The following CLRN2 variants were observed in gnomAD, a reference collection of about 807,000 sequenced individuals.
The protein encoded by CLRN2 is clarin-2.
A neutral mutation model predicts 20.1 loss-of-function variants in CLRN2; 17 were observed. The observed-to-expected ratio is 0.85, with a 90% CI of 0.58 to 1.27. CLRN2 has a LOEUF of 1.27. CLRN2 is among the 50% of genes most tolerant of loss of function. The probability of loss-of-function intolerance (pLI) is 0.00; values close to 1 mark genes in which losing one functional copy is unlikely to be tolerated. For synonymous variants in CLRN2, 140 were observed against 126.9 expected (o/e 1.10, Z -0.70); for missense variants, 288 against 299.5 (o/e 0.96, Z 0.28).
chr4:17,517,565 G>T (rs1379466406), intron 1 of CLRN2, among the ~76,000 whole-genome samples: 1 of 152,138 alleles, frequency 6.6e-6, no homozygotes, highest in Non-Finnish European at 1.5e-5. Context: ...TGCATATTTT[G>T]TTTGAGCCTT....
chr4:17,524,474 T>C (rs1711918533), intron 2 of CLRN2, among the ~76,000 whole-genome samples: 1 of 152,110 alleles, frequency 6.6e-6, no homozygotes, highest in South Asian at 2.1e-4. Flanking sequence ...ATAATGTATA[T>C]CAATCAATCA....
chr4:17,517,134 A>G (rs1711698283), intron 1 of CLRN2, among the ~76,000 whole-genome samples: 2 of 152,206 alleles, frequency 1.3e-5, no homozygotes, highest in African/African-American at 2.4e-5. Context: ...CCCACAGAGC[A>G]GACATTGGTT....
intron 2 of CLRN2, 55 bp from the exon 3 acceptor site, chr4:17,526,761 CT>C (rs1344362014): frequency 1.2e-5 from 20 of 1,602,544 alleles, no homozygotes; most frequent in Non-Finnish European, 1.5e-5. Context: ...GAAATGCCAC[CT>C]CTTACAGAGT....
At position 17,522,895 on chromosome 4, in the gene CLRN2, A is replaced by G. The variant is rs200647377; in HGVS notation, c.285A>G (p.Ala95=). ...IFPHLVKELN[A]GLHVMILLLL... Reference sequence around the variant, plus strand: ...CACACCTGGTGAAGGAGCTCAACGCAGGCCTTCATGTGATGATTCTGCTGC... The same window carrying G: ...CACACCTGGTGAAGGAGCTCAACGCGGGCCTTCATGTGATGATTCTGCTGC... The change falls in exon 2 of 3, where the codon GCA becomes GCG. Residue 95 remains alanine (A), a synonymous_variant. Coordinates refer to ENST00000511148, the MANE Select transcript of CLRN2 (RefSeq NM_001079827.2). 1.1e-4 allele frequency: 176 copies of G among 1,613,828 alleles called. No homozygotes were observed. The highest frequency in any genetic ancestry group is 1.4e-4 in the Non-Finnish European group (164 of 1,179,878).
chr4:17,523,544 G>A (rs1289121493), intron 2 of CLRN2, among the ~76,000 whole-genome samples: 3 of 152,004 alleles, frequency 2.0e-5, no homozygotes, highest in East Asian at 3.9e-4. Context: ...ATTAGAGTAC[G>A]TGAATGGCTG....
chr4:17,526,676 T>C (rs1201072056), intron 2 of CLRN2, 141 bp from the exon 3 acceptor site: 1 of 973,876 alleles, frequency 1.0e-6, no homozygotes, highest in Non-Finnish European at 1.5e-6. Context: ...TATCTCCTAC[T>C]TTTAAAAGCA....
At position 17,515,279 on chromosome 4, in the gene CLRN2, T is replaced by C. The variant is rs771950637; in HGVS notation, c.13T>C (p.Phe5Leu). MPGW[F>L]KKAWYGLASL... ...TGCACCCACTAGCATGCCTGGATGGTTCAAAAAGGCGTGGTATGGGCTGGC... is the reference window on the plus strand; with the variant it reads ...TGCACCCACTAGCATGCCTGGATGGCTCAAAAAGGCGTGGTATGGGCTGGC... The change falls in exon 1 of 3, where the codon TTC becomes CTC. Residue 5 changes from phenylalanine to leucine, a missense_variant. Physicochemically the swap from Phe to Leu is conservative, Grantham distance 22. Coordinates refer to ENST00000511148, the MANE Select transcript of CLRN2 (RefSeq NM_001079827.2). The C allele has an allele frequency of 6.2e-7, 1 of 1,613,758 alleles. No homozygotes were observed. Among genetic ancestry groups the C allele is most frequent in the East Asian group, 2.2e-5 (1 of 44,870 alleles).
rs776582045 is a variant in CLRN2, at chr4:17,526,820, G to T, written c.437G>T (p.Gly146Val). The change falls in exon 3 of 3, where the codon GGC becomes GTC. Residue 146 changes from glycine (G) to valine (V), a missense_variant. Gly to Val is a moderately radical substitution (Grantham distance 109). Transcript: ENST00000511148. ...GGGTGACCTTTTTGAGTTTCAGGCG[G>T]CGTCGTGGCGTTAGCCATCGCCAGC... is the stretch of plus-strand genomic sequence containing the variant. ...GICLWNVLAGGVVALAIASFV... is the reference protein window; with the variant it reads ...GICLWNVLAGVVVALAIASFV... 6.2e-7 allele frequency: 1 copy of T among 1,613,860 alleles called. No individual in the cohort carries two copies. The highest frequency in any genetic ancestry group is 2.2e-5 in the East Asian group (1 of 44,874).
intron 1 of CLRN2, among the ~76,000 whole-genome samples, chr4:17,520,238 CG>C (rs1468127266): frequency 1.3e-5 from 2 of 152,088 alleles, no homozygotes; most frequent in Non-Finnish European, 2.9e-5. Context: ...CCCTCTCCCC[CG>C]TCATCCTAAT....
intron 1 of CLRN2, among the ~76,000 whole-genome samples, chr4:17,517,159 G>A (rs1711698674): frequency 6.6e-6 from 1 of 152,236 alleles, no homozygotes; most frequent in South Asian, 2.1e-4. Context: ...ACAAAAGTCT[G>A]TCCAGCTGTG....
chr4:17,524,157 C>G (rs898984122), intron 2 of CLRN2, among the ~76,000 whole-genome samples: 1 of 151,468 alleles, frequency 6.6e-6, no homozygotes, highest in Non-Finnish European at 1.5e-5. Flanking sequence ...GATCCATGCT[C>G]TCATTTATGA....
At chr4:17,521,802 A>G (rs1470332634) in intron 1 of CLRN2, among the ~76,000 whole-genome samples, 1 of 152,228 alleles carries the variant, frequency 6.6e-6, no homozygotes, top group African/African-American at 2.4e-5. Flanking sequence ...ATTAGCTGGT[A>G]CAGCTGAGCC....
intron 1 of CLRN2, among the ~76,000 whole-genome samples, chr4:17,521,864 T>TA (rs1384996892): frequency 6.6e-6 from 1 of 152,060 alleles, no homozygotes; most frequent in African/African-American, 2.4e-5. Context: ...ATCTCAAAGA[T>TA]AAAAAGGTGT....
Position 17,519,376 on chromosome 4 carries a change from C to T in CLRN2, c.254-3488C>T, listed in dbSNP as rs559042078. On this transcript the variant is annotated intron_variant, in intron 1 of 2. Transcript: ENST00000511148. ...AAGACTCTATGTTTAGAATTTTAAACCTCTACTTATCTGTGCTTTCTGATT... is the reference window on the plus strand; with the variant it reads ...AAGACTCTATGTTTAGAATTTTAAATCTCTACTTATCTGTGCTTTCTGATT... 1.4e-3 allele frequency among the ~76,000 whole-genome samples: 220 copies of T among 152,308 alleles called. 2 individuals carry two copies. Among genetic ancestry groups the T allele is most frequent in the Non-Finnish European group, 2.8e-3 (190 of 68,024 alleles).
intron 1 of CLRN2, among the ~76,000 whole-genome samples, chr4:17,519,972 G>A (rs1284641706): frequency 6.6e-6 from 1 of 152,090 alleles, no homozygotes; most frequent in East Asian, 1.9e-4. Flanking sequence ...GCTCCCAGAA[G>A]TGCTGGGATT....
At chr4:17,517,943 C>T (rs1366349977) in intron 1 of CLRN2, among the ~76,000 whole-genome samples, 1 of 152,044 alleles carries the variant, frequency 6.6e-6, no homozygotes, top group East Asian at 1.9e-4. Flanking sequence ...TTTAGATTTA[C>T]AGCTTTTAAT....
Position 17,515,472 on chromosome 4 carries a change from G to T in CLRN2, c.206G>T (p.Cys69Phe), listed in dbSNP as rs200819557. Residue 69 changes from cysteine (C) to phenylalanine (F), a missense_variant, in exon 1 of 3, where the codon TGT becomes TTT. By Grantham distance (205) the Cys-to-Phe change is radical (BLOSUM62 -2). Coordinates refer to ENST00000511148, the MANE Select transcript of CLRN2 (RefSeq NM_001079827.2). Reference sequence around the variant, plus strand: ...ATTTACTACGGGCTCTTCCGAGGGTGTAAAGTGCGGCAGTGTGGGCTTGGG... The same window carrying T: ...ATTTACTACGGGCTCTTCCGAGGGTTTAAAGTGCGGCAGTGTGGGCTTGGG... The part of the protein sequence containing the change: ...GDIYYGLFRG[C>F]KVRQCGLGGR... 8 of 1,613,874 alleles carry T rather than the reference G, an allele frequency of 5.0e-6. No homozygotes were observed. The highest frequency in any genetic ancestry group is 6.8e-6 in the Non-Finnish European group (8 of 1,179,900).
chr4:17,527,088 T>G lies in CLRN2; in HGVS notation c.*6T>G. 1 of 1,613,174 alleles carries G rather than the reference T, an allele frequency of 6.2e-7. No individual in the cohort carries two copies. Among genetic ancestry groups the G allele is most frequent in the Non-Finnish European group, 8.5e-7 (1 of 1,179,516 alleles). ...CTGAGGATATCTTGTATTAATAGCC[T>G]TCCCCTGTTCACAACCTGTCCTAAG... On this transcript the variant is annotated 3_prime_UTR_variant, in exon 3 of 3. Coordinates refer to ENST00000511148, the MANE Select transcript of CLRN2 (RefSeq NM_001079827.2).
At chr4:17,521,443 T>C (rs1360954128) in intron 1 of CLRN2, among the ~76,000 whole-genome samples, 1 of 152,216 alleles carries the variant, frequency 6.6e-6, no homozygotes, top group African/African-American at 2.4e-5. Flanking sequence ...AGCAGGAACC[T>C]TGGAGCAATT....
Sources: gnomAD v4.1 joint callset for allele counts (sites outside exome capture counted in the v4.1 genomes callset) on GRCh38, gnomAD v4.1.1 for gene constraint, MANE v1.5 for transcripts, NCBI Gene and HGNC (gene_info 2026-07-23, HGNC 2026-07-21) for gene names.